KIFC3: variants seen among roughly 807,000 people sequenced by gnomAD.
The protein encoded by KIFC3 is kinesin family member C3.
Under a neutral mutation model 101.8 loss-of-function variants are expected in KIFC3, and 60 were observed. That is an observed-to-expected ratio of 0.59 (90% CI 0.48 to 0.73). KIFC3 has a LOEUF of 0.73. KIFC3 is among the 30% of genes least tolerant of loss of function. KIFC3 has a pLI of 0.00. For synonymous variants in KIFC3, 476 were observed against 482.7 expected (o/e 0.99, Z 0.18); for missense variants, 966 against 1,137.1 (o/e 0.85, Z 2.16).
intron 12 of KIFC3, among the ~76,000 whole-genome samples, chr16:57,763,679 G>A (rs532460635): frequency 3.9e-5 from 6 of 152,056 alleles, no homozygotes; most frequent in South Asian, 2.1e-4. Context: ...AGGGACCACC[G>A]GCAAGAGCTG....
chr16:57,837,438 A>G (rs1194339422), intron 1 of KIFC3, among the ~76,000 whole-genome samples: 1 of 151,504 alleles, frequency 6.6e-6, no homozygotes, highest in Non-Finnish European at 1.5e-5. Context: ...ACTACACTCC[A>G]ACATAGGTGA....
chr16:57,759,401 C>A, intron 18 of KIFC3: 2 of 598,292 alleles, frequency 3.3e-6, no homozygotes, highest in Non-Finnish European at 5.9e-6. Flanking sequence ...GCAGGGGCTG[C>A]TCTGGAGGGG....
chr16:57,816,306 C>A, intron 1 of KIFC3: 1 of 1,217,750 alleles, frequency 8.2e-7, no homozygotes. Flanking sequence ...TAAGGAAGTG[C>A]GGTGGGATCT....
chr16:57,759,805 G>A lies in KIFC3; in HGVS notation c.2399C>T (p.Ser800Leu), dbSNP rs781914506. 15 of 1,610,180 alleles carry A rather than the reference G, an allele frequency of 9.3e-6. No individual in the cohort carries two copies. In the South Asian group the frequency reaches 9.9e-5, roughly 11 times the overall value. The change falls in exon 18 of 20, where the codon TCG becomes TTG. Residue 800 changes from serine to leucine, a missense_variant. Physicochemically the swap from Ser to Leu is moderately radical, Grantham distance 145. Transcript: ENST00000445690. Reference sequence around the variant, plus strand: ...GCTGGGGGCTGAGTGGGCCCGTGCCGAGGGCTGTGGCGTCTGACAAGCCGG... The same window carrying A: ...GCTGGGGGCTGAGTGGGCCCGTGCCAAGGGCTGTGGCGTCTGACAAGCCGG... ...WEPACQTPQP[S>L]ARAHSAPSSG...
chr16:57,853,588 C>A (rs1235920430), intron 1 of KIFC3, among the ~76,000 whole-genome samples: 1 of 152,074 alleles, frequency 6.6e-6, no homozygotes, highest in Admixed American at 6.6e-5. Context: ...TCTAAATACA[C>A]CAACTAAAAG....
Position 57,762,230 on chromosome 16 carries a change from T to C in KIFC3, c.1658A>G (p.Gln553Arg), listed in dbSNP as rs1555598715. ...ENPGINQRAL[Q>R]LLFSEVQEKA... Reference sequence around the variant, plus strand: ...CTCCTGCACCTCGGAGAAGAGCAGCTGCAGGGCCCGCTGGTTGATACCTGG... The same window carrying C: ...CTCCTGCACCTCGGAGAAGAGCAGCCGCAGGGCCCGCTGGTTGATACCTGG... Residue 553 changes from glutamine (Q) to arginine (R), a missense_variant, in exon 13 of 20, where the codon CAG becomes CGG. Physicochemically the swap from Gln to Arg is conservative, Grantham distance 43 (BLOSUM62 1). Transcript: ENST00000445690. 2 of 1,601,632 alleles carry C rather than the reference T, an allele frequency of 1.2e-6. No homozygotes were observed. The highest frequency in any genetic ancestry group is 1.7e-6 in the Non-Finnish European group (2 of 1,175,174).
rs1567349244 is a variant in KIFC3, at chr16:57,860,093, A to AAAATAAAC, written c.108+2635_108+2636insGTTTATTT. On this transcript the variant is annotated intron_variant, in intron 1 of 2. Coordinates refer to the KIFC3 transcript ENST00000563028. ...AAAATAAAATAAAATAAAATAAAATAAAAACAAGTGGGGCAGGTGAAGCTC... is the reference window on the plus strand; with the variant it reads ...AAAATAAAATAAAATAAAATAAAATAAAATAAACAAAACAAGTGGGGCAGGTGAAGCTC... Among the ~76,000 whole-genome samples the AAAATAAAC allele has an allele frequency of 2.4e-5, 3 of 126,170 alleles. 1 individual carries two copies. In the East Asian group the frequency reaches 1.2e-3, roughly 51 times the overall value. The allele number at this position is 126,170 out of a possible 152,430, so 82.8% of individuals were successfully genotyped here. A position where few individuals can be genotyped will look rare whatever the true frequency, so the allele number is the denominator to read the frequency against.
intron 1 of KIFC3, among the ~76,000 whole-genome samples, chr16:57,812,858 T>C (rs1469851100): frequency 6.6e-6 from 1 of 152,206 alleles, no homozygotes; most frequent in African/African-American, 2.4e-5. Context: ...GGTCCAGCCA[T>C]GTCTGCTTGG....
chr16:57,810,811 G>T (rs1183493612), intron 1 of KIFC3: 5 of 503,462 alleles, frequency 9.9e-6, no homozygotes, highest in Non-Finnish European at 1.3e-5. Flanking sequence ...CCATTGTACA[G>T]ATGGAGAGAC....
intron 1 of KIFC3, among the ~76,000 whole-genome samples, chr16:57,851,985 C>T (rs1596884866): frequency 6.6e-6 from 1 of 152,294 alleles, no homozygotes; most frequent in East Asian, 1.9e-4. Context: ...AAGTGATCCT[C>T]TCTCCTCGGC....
intron 1 of KIFC3, among the ~76,000 whole-genome samples, chr16:57,826,714 G>A (rs1297173906): frequency 2.0e-5 from 3 of 152,210 alleles, no homozygotes; most frequent in Non-Finnish European, 4.4e-5. Context: ...TTCCCTGTGT[G>A]CATAAGTGTT....
chr16:57,803,778 A>G (rs376293257), upstream of KIFC3, among the ~76,000 whole-genome samples: 14 of 152,332 alleles, frequency 9.2e-5, no homozygotes, highest in African/African-American at 3.4e-4. Context: ...CATTCCCTAG[A>G]GAGTTAGATT....
intron 1 of KIFC3, among the ~76,000 whole-genome samples, chr16:57,822,673 G>A (rs1477404661): frequency 6.6e-6 from 1 of 151,950 alleles, no homozygotes; most frequent in Non-Finnish European, 1.5e-5. Flanking sequence ...CTCCAGCCTG[G>A]GCGACAGAGC....
At chr16:57,812,529 G>A (rs1024571062) in intron 1 of KIFC3, among the ~76,000 whole-genome samples, 2 of 152,166 alleles carry the variant, frequency 1.3e-5, no homozygotes, top group South Asian at 2.1e-4. Flanking sequence ...GCTGCTGACC[G>A]AGTGTGATGG....
At chr16:57,797,136 G>A (rs1337982742) in intron 2 of KIFC3, among the ~76,000 whole-genome samples, 2 of 152,224 alleles carry the variant, frequency 1.3e-5, no homozygotes, top group Non-Finnish European at 2.9e-5. Context: ...GGGAGAGAGG[G>A]GTGAACAGGA....
chr16:57,795,367 G>C (rs1453636993), intron 2 of KIFC3, among the ~76,000 whole-genome samples: 1 of 152,212 alleles, frequency 6.6e-6, no homozygotes, highest in South Asian at 2.1e-4. Flanking sequence ...GCCGCCCAAA[G>C]ATTCTCTTCT....
intron 3 of KIFC3, chr16:57,779,818 A>AAAAT (rs1195136746): frequency 3.3e-5 from 5 of 152,174 alleles, no homozygotes; most frequent in African/African-American, 1.2e-4. Context: ...TCAAAAAATA[A>AAAAT]AAATAAATAA....
chr16:57,766,023 T>C (rs2050441560), intron 10 of KIFC3, among the ~76,000 whole-genome samples: 1 of 152,164 alleles, frequency 6.6e-6, no homozygotes, highest in East Asian at 1.9e-4. Context: ...AAGAGCCTTG[T>C]CCTGAATGGC....
chr16:57,767,724 T>C (rs1555604178), intron 9 of KIFC3, among the ~76,000 whole-genome samples: 1 of 152,144 alleles, frequency 6.6e-6, no homozygotes, highest in Non-Finnish European at 1.5e-5. Context: ...GGAAACTCAT[T>C]GTGAGTGGTG....
Sources: allele counts gnomAD v4.1 joint callset (sites outside exome capture counted in the v4.1 genomes callset), GRCh38; gene constraint gnomAD v4.1.1; transcripts MANE v1.5; gene names NCBI Gene and HGNC (gene_info 2026-07-23, HGNC 2026-07-21).